Variants in GUCD1 observed in about 807,000 individuals in gnomAD.
GUCD1 encodes guanylyl cyclase domain containing 1.
In GUCD1, 17 loss-of-function variants were observed where a neutral mutation model predicts 28.3. The observed-to-expected ratio is 0.60, with a 90% CI of 0.41 to 0.90. The LOEUF (loss-of-function observed/expected upper bound fraction) is 0.90. Ranked by LOEUF, GUCD1 falls within the 40% of genes least tolerant of loss-of-function variation. GUCD1 has a pLI of 0.00. For synonymous variants in GUCD1, 129 were observed against 123.3 expected (o/e 1.05, Z -0.30); for missense variants, 279 against 305.5 (o/e 0.91, Z 0.65).
In GUCD1 at chr22:24,543,962, T is replaced by A; in HGVS notation, c.508A>T (p.Thr170Ser). Residue 170 changes from threonine to serine, a missense_variant, in exon 5 of 6, where the codon ACC (threonine) becomes TCC (serine). By Grantham distance (58) the Thr-to-Ser change is moderately conservative. Transcript: ENST00000435822. ...CSSPVKYCCF[T>S]PSGHHCFCRT... ...CAGAAGCAGTGGTGGCCACTGGGGG[T>A]GAAGCAGCAGTACTTGACAGGGCTG... 1 of 1,613,218 alleles carries A rather than the reference T, an allele frequency of 6.2e-7. No individual in the cohort carries two copies. The highest frequency in any genetic ancestry group is 8.5e-7 in the Non-Finnish European group (1 of 1,179,778).
Position 24,547,002 on chromosome 22 carries a change from A to G in GUCD1, c.298T>C (p.Phe100Leu). ...TCTGTGTCAAAGTGCTTCCTGTAGA[A>G]GGACTGAACAGAGAAGAGGGGGATG... ...GVDKGYKNQS[F>L]YRKHFDTEET... Residue 100 changes from phenylalanine to leucine, a missense_variant, in exon 4 of 6, where the codon TTC (phenylalanine) becomes CTC (leucine). Phe to Leu is a conservative substitution (Grantham distance 22). Coordinates refer to ENST00000435822, the MANE Select transcript of GUCD1 (RefSeq NM_001284254.2). The G allele has an allele frequency of 6.2e-7, 1 of 1,613,624 alleles. No homozygotes were observed. Among genetic ancestry groups the G allele is most frequent in the Non-Finnish European group, 8.5e-7 (1 of 1,179,544 alleles).
rs747173856 is a variant in GUCD1 at position 24,547,929 on chromosome 22, G to A, written c.273C>T (p.Val91=). 10 of 1,613,976 alleles carry A rather than the reference G, an allele frequency of 6.2e-6. No individual in the cohort carries two copies. Among genetic ancestry groups the A allele is most frequent in the South Asian group, 5.5e-5 (5 of 91,088 alleles). The stretch of plus-strand genomic sequence containing the variant: ...TCACCTGGTTCTTGTAGCCCTTGTC[G>A]ACACCCAGGGTCTGGGTACAGAAGC... ...RHRFCTQTLG[V]DKGYKNQSFY... is the part of the protein sequence containing the mutation. Residue 91 remains valine, a synonymous_variant, in exon 3 of 6, where the codon GTC becomes GTT. Coordinates refer to ENST00000435822, the MANE Select transcript of GUCD1 (RefSeq NM_001284254.2).
chr22:24,555,616 T>C, upstream of GUCD1: 1 of 1,550,648 alleles, frequency 6.4e-7, no homozygotes, highest in Non-Finnish European at 8.7e-7. Flanking sequence ...CCCCCTTACC[T>C]GGCGGTGCCG....
Position 24,540,865 on chromosome 22 carries a change from T to C in GUCD1, c.*2141A>G, listed in dbSNP as rs894758108. 1 of 163,466 alleles carries C rather than the reference T, an allele frequency of 6.1e-6. No homozygotes were observed. Among genetic ancestry groups the C allele is most frequent in the Non-Finnish European group, 1.5e-5 (1 of 68,288 alleles). 10.1% of individuals were successfully genotyped at this position (163,466 alleles called of 1,614,324 possible). A position where few individuals can be genotyped will look rare whatever the true frequency, so the allele number is the denominator to read the frequency against. ...GTGTTTCTAAACATTTTGGCTGGACTGAGGTGCTGTTACCACCCTCCATGA... is the reference window on the plus strand; with the variant it reads ...GTGTTTCTAAACATTTTGGCTGGACCGAGGTGCTGTTACCACCCTCCATGA... On this transcript the variant is annotated 3_prime_UTR_variant, in exon 6 of 6. Transcript: ENST00000435822.
intron 4 of GUCD1, among the ~76,000 whole-genome samples, chr22:24,544,696 C>G (rs2044680999): frequency 6.6e-6 from 1 of 152,156 alleles, no homozygotes; most frequent in South Asian, 2.1e-4. Flanking sequence ...GTGCCTTCCA[C>G]TAGGCAGCAA....
chr22:24,543,183 T>G (rs1474227441), intron 5 of GUCD1, 86 bp from the exon 6 acceptor site: 1 of 961,428 alleles, frequency 1.0e-6, no homozygotes, highest in Non-Finnish European at 1.7e-6. Flanking sequence ...GGGAGCTGAG[T>G]GAGGTCTGTT....
chr22:24,552,536 C>T lies in GUCD1; in HGVS notation c.43+2413G>A, dbSNP rs978119351. ...CCTGTAATCCAAGCACTTTGGGAGG[C>T]CAAGGCAGGCGGATCACTTGAGGTC... On this transcript the variant is annotated intron_variant, in intron 1 of 5. Transcript: ENST00000435822. Among the ~76,000 whole-genome samples the T allele has an allele frequency of 6.6e-5, 10 of 152,246 alleles. No individual in the cohort carries two copies. In the South Asian group the frequency reaches 2.1e-3, roughly 32 times the overall value.
At chr22:24,544,759 C>A (rs1377301707) in intron 4 of GUCD1, among the ~76,000 whole-genome samples, 1 of 152,146 alleles carries the variant, frequency 6.6e-6, no homozygotes, top group East Asian at 1.9e-4. Context: ...CACCTGTAAT[C>A]CCAGTGCTTT....
chr22:24,544,841 G>C (rs924606167), intron 4 of GUCD1, among the ~76,000 whole-genome samples: 1 of 152,108 alleles, frequency 6.6e-6, no homozygotes, highest in African/African-American at 2.4e-5. Context: ...GCAGTACCCT[G>C]TCTTTACAAA....
Position 24,554,977 on chromosome 22 carries a change from C to A in GUCD1, c.15G>T (p.Ala5=). 1 of 1,555,914 alleles carries A rather than the reference C, an allele frequency of 6.4e-7. No homozygotes were observed. The highest frequency in any genetic ancestry group is 8.7e-7 in the Non-Finnish European group (1 of 1,155,096). Residue 5 remains alanine, a synonymous_variant, in exon 1 of 6, where the codon GCG becomes GCT. Transcript: ENST00000435822. ...GCTCGAGCGGCGGCCCCGCTGCCTC[C>A]GCCTCCGTCCTCATGACCCGGGCGG... MRTE[A]EAAGPPLEPG... is the part of the protein sequence containing the mutation.
At chr22:24,549,696 G>T (rs2044823142) in intron 1 of GUCD1, among the ~76,000 whole-genome samples, 1 of 152,140 alleles carries the variant, frequency 6.6e-6, no homozygotes, top group Non-Finnish European at 1.5e-5. Context: ...TGTAATTTTA[G>T]TAGAGATGGG....
chr22:24,547,199 G>GACC, intron 3 of GUCD1, 194 bp from the exon 4 acceptor site: 1 of 576,558 alleles, frequency 1.7e-6, no homozygotes, highest in Admixed American at 2.8e-5. Flanking sequence ...AGGGAAGCAG[G>GACC]ACCACACAGA....
At chr22:24,551,295 G>A (rs149155997) in intron 1 of GUCD1, among the ~76,000 whole-genome samples, 2 of 152,216 alleles carry the variant, frequency 1.3e-5, no homozygotes, top group East Asian at 1.9e-4. Flanking sequence ...CACTCAAGGC[G>A]CTCACATGTT....
intron 1 of GUCD1, among the ~76,000 whole-genome samples, chr22:24,552,633 AG>A (rs1159517370): frequency 1.3e-5 from 2 of 152,066 alleles, no homozygotes; most frequent in African/African-American, 4.8e-5. Context: ...TTAGCCGGGC[AG>A]GGGCCAGAGC....
chr22:24,554,986 C>T lies in GUCD1; in HGVS notation c.6G>A (p.Arg2=), dbSNP rs759897514. 2.6e-6 allele frequency: 4 copies of T among 1,538,436 alleles called. No individual in the cohort carries two copies. Among genetic ancestry groups the T allele is most frequent in the Non-Finnish European group, 2.6e-6 (3 of 1,148,756 alleles). Residue 2 remains arginine, a synonymous_variant, in exon 1 of 6, where the codon AGG becomes AGA. Transcript: ENST00000435822. M[R]TEAEAAGPPL... ...GCGGCCCCGCTGCCTCCGCCTCCGT[C>T]CTCATGACCCGGGCGGCGCGGGGCG...
At chr22:24,543,137 G>T (rs1569007539) in intron 5 of GUCD1, 40 bp from the exon 6 acceptor site, 2 of 1,440,916 alleles carry the variant, frequency 1.4e-6, no homozygotes. Context: ...TCAGTGGGTT[G>T]TGAGAGAGCA....
In GUCD1 at chr22:24,547,082, C is replaced by T. The variant is rs575565384; in HGVS notation, c.295-77G>A. ...CCATTTAGATGAAGGAAATAAAGAG[C>T]GTGTTACAGAGGCAGAGACAGCAGG... On this transcript the variant is annotated intron_variant, in intron 3 of 5. Coordinates refer to ENST00000435822, the MANE Select transcript of GUCD1 (RefSeq NM_001284254.2). 4.2e-5 allele frequency: 49 copies of T among 1,159,152 alleles called. 1 individual carries two copies. The highest frequency in any genetic ancestry group is 3.7e-4 in the South Asian group (30 of 81,644). The allele number at this position is 1,159,152 out of a possible 1,614,324, so 71.8% of individuals were successfully genotyped here.
intron 1 of GUCD1, among the ~76,000 whole-genome samples, chr22:24,549,713 C>A (rs2044823216): frequency 6.6e-6 from 1 of 152,184 alleles, no homozygotes; most frequent in Non-Finnish European, 1.5e-5. Context: ...TGGGGTTTCA[C>A]CATGTTGTCC....
chr22:24,546,830 A>T, intron 4 of GUCD1, 84 bp downstream of exon 4: 5 of 1,251,610 alleles, frequency 4.0e-6, no homozygotes, highest in Non-Finnish European at 5.9e-6. Flanking sequence ...CCTTTCCTGA[A>T]CACCATCCCG....
Sources: allele counts gnomAD v4.1 joint callset (sites outside exome capture counted in the v4.1 genomes callset), GRCh38; gene constraint gnomAD v4.1.1; transcripts MANE v1.5; gene names NCBI Gene and HGNC (gene_info 2026-07-23, HGNC 2026-07-21).